The following LIG3 variants were observed in gnomAD, a reference collection of about 807,000 sequenced individuals.
The protein encoded by LIG3 is DNA ligase 3.
Under a neutral mutation model 110.9 loss-of-function variants are expected in LIG3, and 58 were observed. That is an observed-to-expected ratio of 0.52 (90% CI 0.42 to 0.65). The LOEUF (loss-of-function observed/expected upper bound fraction) is 0.65, where lower values mean the gene tolerates loss of function less well. Ranked by LOEUF, LIG3 falls within the 30% of genes least tolerant of loss-of-function variation. The pLI, the probability that LIG3 is intolerant of heterozygous loss-of-function variation, is 0.00. For missense variants in LIG3, 1,094 were observed against 1,273.8 expected (o/e 0.86, Z 2.15); for synonymous variants, 422 against 472.8 (o/e 0.89, Z 1.39).
chr17:35,010,010 C>T (rs968232785), downstream of LIG3: 1 of 152,662 alleles, frequency 6.6e-6, no homozygotes, highest in Non-Finnish European at 1.5e-5. Context: ...CCTGCAAAGG[C>T]TGTGGTTCAG....
intron 6 of LIG3, 39 bp from the exon 7 acceptor site, chr17:34,991,919 G>A: frequency 6.2e-7 from 1 of 1,613,798 alleles, no homozygotes; most frequent in South Asian, 1.1e-5. Flanking sequence ...GGGTTCCAGA[G>A]CTCTTCAAGA....
chr17:34,984,996 T>C (rs373438528), intron 2 of LIG3, among the ~76,000 whole-genome samples: 7 of 152,304 alleles, frequency 4.6e-5, no homozygotes, highest in African/African-American at 1.7e-4. Context: ...CCAGCTGGTG[T>C]TGAACCCCTG....
Position 34,991,718 on chromosome 17 carries a change from T to C in LIG3, c.1089T>C (p.Ser363=), listed in dbSNP as rs926181988. 3 of 1,613,852 alleles carry C rather than the reference T, an allele frequency of 1.9e-6. No individual in the cohort carries two copies. Among genetic ancestry groups the C allele is most frequent in the African/African-American group, 1.3e-5 (1 of 74,880 alleles). Residue 363 remains serine, a synonymous_variant, in exon 6 of 20, where the codon TCT becomes TCC. Transcript: ENST00000378526. ...TIRVFFEQSK[S]FPPAAKSLLT... Reference sequence around the variant, plus strand: ...GAGTCTTCTTTGAGCAGAGCAAGTCTTTCCCCCCAGCTGCCAAGAGCCTCC... The same window carrying C: ...GAGTCTTCTTTGAGCAGAGCAAGTCCTTCCCCCCAGCTGCCAAGAGCCTCC...
In LIG3 at chr17:35,006,173, G is replaced by C. The variant is rs975480230; in HGVS notation, c.*1667G>C. 1.3e-5 allele frequency: 2 copies of C among 156,900 alleles called. No individual in the cohort carries two copies. The highest frequency in any genetic ancestry group is 4.8e-5 in the African/African-American group (2 of 41,478). 9.7% of individuals were successfully genotyped at this position (156,900 alleles called of 1,614,324 possible). On this transcript the variant is annotated 3_prime_UTR_variant, in exon 20 of 20. Transcript: ENST00000378526. ...AAGAGAGACAATTTAGTGTAGACAA[G>C]TGCTATTCAATAGAACTTTTTGCAG...
At position 35,004,870 on chromosome 17, in the gene LIG3, C is replaced by T. The variant is rs894813607; in HGVS notation, c.*364C>T. 7 of 268,452 alleles carry T rather than the reference C, an allele frequency of 2.6e-5. No homozygotes were observed. Among genetic ancestry groups the T allele is most frequent in the Admixed American group, 2.0e-4 (4 of 19,866 alleles). The allele number at this position is 268,452 out of a possible 1,614,324, so 16.6% of individuals were successfully genotyped here. A position where few individuals can be genotyped will look rare whatever the true frequency, so the allele number is the denominator to read the frequency against. On this transcript the variant is annotated 3_prime_UTR_variant, in exon 20 of 20. Coordinates refer to ENST00000378526, the MANE Select transcript of LIG3 (RefSeq NM_013975.4). ...TAGAGATTAAGGAGTAAAGGCTGGG[C>T]TATGGCAGCTCTGTCCACAAAGCCT...
In LIG3 at chr17:34,989,493, C is replaced by G. The variant is rs1441647120; in HGVS notation, c.719C>G (p.Pro240Arg). The part of the protein sequence containing the change: ...SAKPNNSGEA[P>R]SSPTPKRSLS... ...AAGCCCAACAACTCTGGGGAAGCCC[C>G]CTCGAGCCCCACCCCTAAGAGAAGT... is the stretch of plus-strand genomic sequence containing the variant. The change falls in exon 4 of 20, where the codon CCC becomes CGC. Residue 240 changes from proline to arginine, a missense_variant. Physicochemically the swap from Pro to Arg is moderately radical, Grantham distance 103. Coordinates refer to ENST00000378526, the MANE Select transcript of LIG3 (RefSeq NM_013975.4). The G allele has an allele frequency of 6.8e-6, 11 of 1,613,914 alleles. No individual in the cohort carries two copies. In the East Asian group the frequency reaches 2.2e-4, roughly 33 times the overall value.
rs767975337 is a variant in LIG3 at position 34,983,556 on chromosome 17, A to G, written c.547+4A>G. ...CAGATAACCCAGCACATTGCAGGTAAGGTAGAGAACACTGCTTTCTCATCT... is the reference window on the plus strand; with the variant it reads ...CAGATAACCCAGCACATTGCAGGTAGGGTAGAGAACACTGCTTTCTCATCT... On this transcript the variant is annotated splice_donor_region_variant and intron_variant, in intron 2 of 19. Transcript: ENST00000378526. The G allele has an allele frequency of 1.2e-6, 2 of 1,610,228 alleles. No individual in the cohort carries two copies. Among genetic ancestry groups the G allele is most frequent in the East Asian group, 4.5e-5 (2 of 44,888 alleles).
intron 6 of LIG3, 59 bp downstream of exon 6, chr17:34,991,896 G>A: frequency 6.2e-7 from 1 of 1,613,532 alleles, no homozygotes; most frequent in Admixed American, 1.7e-5. Context: ...CTTGGGAAGG[G>A]AAGGTTCCCT....
chr17:34,991,255 T>C (rs1567688660), intron 5 of LIG3, 141 bp downstream of exon 5: 3 of 750,368 alleles, frequency 4.0e-6, no homozygotes, highest in East Asian at 2.6e-5. Context: ...GCTTCCGTTA[T>C]AGGGGGAGCT....
rs757366766 is a variant in LIG3, at chr17:34,991,778, G to A, written c.1149G>A (p.Arg383=). The A allele has an allele frequency of 1.2e-6, 2 of 1,614,120 alleles. No individual in the cohort carries two copies. The change falls in exon 6 of 20, where the codon CGG becomes CGA. Residue 383 remains arginine, a synonymous_variant. Coordinates refer to ENST00000378526, the MANE Select transcript of LIG3 (RefSeq NM_013975.4). The part of the protein sequence containing the change: ...TIQEVDEFLL[R]LSKLTKEDEQ... ...AGGAAGTGGATGAGTTCCTTCTGCG[G>A]CTGTCCAAGCTCACCAAGGAGGATG...
Position 35,002,721 on chromosome 17 carries a change from A to G in LIG3, c.2728A>G (p.Thr910Ala), listed in dbSNP as rs1330424243. Reference sequence around the variant, plus strand: ...TATGAAGGTGGGGGAGAAGCTGGCCACAAAGTCTTCTCCAGTGAAAGTAGG... The same window carrying G: ...TATGAAGGTGGGGGAGAAGCTGGCCGCAAAGTCTTCTCCAGTGAAAGTAGG... ...SAMKVGEKLA[T>A]KSSPVKVGEK... The change falls in exon 19 of 20, where the codon ACA (threonine) becomes GCA (alanine). Residue 910 changes from threonine (T) to alanine (A), a missense_variant. Transcript: ENST00000378526. 3 of 1,613,464 alleles carry G rather than the reference A, an allele frequency of 1.9e-6. No individual in the cohort carries two copies. In the African/African-American group the frequency reaches 4.0e-5, roughly 22 times the overall value.
At chr17:35,002,129 T>C (rs769013057) in intron 18 of LIG3, 25 bp downstream of exon 18, 3 of 1,528,878 alleles carry the variant, frequency 2.0e-6, no homozygotes, top group Non-Finnish European at 2.6e-6. Context: ...GGGGCTGGTA[T>C]GGTGAAGAGG....
intron 2 of LIG3, among the ~76,000 whole-genome samples, chr17:34,985,450 T>C (rs2142236601): frequency 6.6e-6 from 1 of 152,322 alleles, no homozygotes; most frequent in Non-Finnish European, 1.5e-5. Context: ...GCCTTAGCTA[T>C]TGGCCTCGGC....
At chr17:34,995,989 C>A in intron 9 of LIG3, 75 bp from the exon 10 acceptor site, 1 of 1,551,266 alleles carries the variant, frequency 6.4e-7, no homozygotes, top group Non-Finnish European at 8.7e-7. Flanking sequence ...TGGGCCCGGG[C>A]TTTGCCCTCC....
rs1290304674 is a variant in LIG3 at position 34,991,782 on chromosome 17, T to C, written c.1153T>C (p.Ser385Pro). 6.2e-7 allele frequency: 1 copy of C among 1,614,066 alleles called. No homozygotes were observed. The highest frequency in any genetic ancestry group is 2.2e-5 in the East Asian group (1 of 44,866). Residue 385 changes from serine (S) to proline (P), a missense_variant, in exon 6 of 20, where the codon TCC becomes CCC. Ser to Pro is a moderately conservative substitution (Grantham distance 74). Coordinates refer to ENST00000378526, the MANE Select transcript of LIG3 (RefSeq NM_013975.4). ...QEVDEFLLRL[S>P]KLTKEDEQQQ... is the part of the protein sequence containing the mutation. ...AGTGGATGAGTTCCTTCTGCGGCTG[T>C]CCAAGCTCACCAAGGAGGATGAGCA... is the stretch of plus-strand genomic sequence containing the variant.
At chr17:34,996,360 T>A in intron 10 of LIG3, 165 bp downstream of exon 10, 2 of 926,730 alleles carry the variant, frequency 2.2e-6, no homozygotes, top group Non-Finnish European at 3.2e-6. Flanking sequence ...GTTTTTCTCC[T>A]AAAAAGGGGC....
rs903697575 is a variant in LIG3 at position 34,997,755 on chromosome 17, G to A, written c.1841G>A (p.Arg614Gln). ...SLMDRPLCER[R>Q]KFLHDNMVEI... ...CTCCTCAGACCTCTGTGTGAGCGGCGGAAGTTTCTTCATGACAACATGGTT... is the reference window on the plus strand; with the variant it reads ...CTCCTCAGACCTCTGTGTGAGCGGCAGAAGTTTCTTCATGACAACATGGTT... Residue 614 changes from arginine to glutamine, a missense_variant, in exon 12 of 20, where the codon CGG (arginine) becomes CAG (glutamine). Transcript: ENST00000378526. The A allele has an allele frequency of 1.9e-6, 3 of 1,613,976 alleles. No individual in the cohort carries two copies. The highest frequency in any genetic ancestry group is 1.7e-6 in the Non-Finnish European group (2 of 1,179,890).
Position 34,998,601 on chromosome 17 carries a change from C to A in LIG3, c.1990-3C>A. ...CTGTGGTCTCTCTTTTGCTTCCCTTCAGGGTACATATGAGCCTGGGAAGCG... is the reference window on the plus strand; with the variant it reads ...CTGTGGTCTCTCTTTTGCTTCCCTTAAGGGTACATATGAGCCTGGGAAGCG... On this transcript the variant is annotated splice_polypyrimidine_tract_variant and splice_region_variant and intron_variant, in intron 13 of 19. Coordinates refer to ENST00000378526, the MANE Select transcript of LIG3 (RefSeq NM_013975.4). The A allele has an allele frequency of 6.2e-7, 1 of 1,613,964 alleles. No individual in the cohort carries two copies. Among genetic ancestry groups the A allele is most frequent in the Non-Finnish European group, 8.5e-7 (1 of 1,179,930 alleles).
Position 35,005,512 on chromosome 17 carries a change from T to G in LIG3, c.*1006T>G, listed in dbSNP as rs769064152. 3.5e-6 allele frequency: 2 copies of G among 570,674 alleles called. No individual in the cohort carries two copies. Among genetic ancestry groups the G allele is most frequent in the Admixed American group, 1.9e-5 (1 of 52,782 alleles). 35.4% of individuals were successfully genotyped at this position (570,674 alleles called of 1,614,324 possible). Reference sequence around the variant, plus strand: ...TGGGCATCAGAGGCCAGTAGCTTTCTTGGCCTACAAAGTAAATGGACAGTA... The same window carrying G: ...TGGGCATCAGAGGCCAGTAGCTTTCGTGGCCTACAAAGTAAATGGACAGTA... On this transcript the variant is annotated 3_prime_UTR_variant, in exon 20 of 20. Coordinates refer to ENST00000378526, the MANE Select transcript of LIG3 (RefSeq NM_013975.4).
Sources: allele counts gnomAD v4.1 joint callset (sites outside exome capture counted in the v4.1 genomes callset), GRCh38; gene constraint gnomAD v4.1.1; transcripts MANE v1.5; gene names NCBI Gene and HGNC (gene_info 2026-07-23, HGNC 2026-07-21).